The following SBF2 variants were observed in gnomAD, a reference collection of about 807,000 sequenced individuals.
SBF2 encodes SET binding factor 2.
SBF2 carries 112 observed loss-of-function variants against 225.2 expected under a neutral mutation model. That is an observed-to-expected ratio of 0.50 (90% confidence interval 0.43 to 0.58). The LOEUF (loss-of-function observed/expected upper bound fraction) is 0.58, where lower values mean the gene tolerates loss of function less well. SBF2 is among the 20% of genes least tolerant of loss of function. SBF2 has a pLI of 0.00. For missense variants in SBF2, 1,996 were observed against 2,206.2 expected, an observed-to-expected ratio of 0.90 and a Z score of 1.91; for synonymous variants, 763 against 773.3, an observed-to-expected ratio of 0.99 and a Z score of 0.22.
chr11:9,978,313 G>A (rs1946791553), intron 13 of SBF2, among the ~76,000 whole-genome samples: 1 of 152,166 alleles, frequency 6.6e-6, no homozygotes, highest in South Asian at 2.1e-4. Context: ...AGGAATCTCA[G>A]ACAATCTAAT....
intron 16 of SBF2, among the ~76,000 whole-genome samples, chr11:9,953,316 C>T (rs925642421): frequency 1.3e-5 from 2 of 151,942 alleles, no homozygotes; most frequent in South Asian, 4.1e-4. Flanking sequence ...TGGTGGCATG[C>T]GCCTGTAATC....
At chr11:9,839,398 T>G in intron 26 of SBF2, 100 bp downstream of exon 26, 1 of 1,209,984 alleles carries the variant, frequency 8.3e-7, no homozygotes, top group Non-Finnish European at 1.2e-6. Context: ...TTTCAGGCAT[T>G]TTTATCTATC....
intron 1 of SBF2, among the ~76,000 whole-genome samples, chr11:10,225,512 GT>G (rs1958505521): frequency 6.6e-6 from 1 of 151,902 alleles, no homozygotes; most frequent in Admixed American, 6.6e-5. Flanking sequence ...AGTCATAGAG[GT>G]TGTATTTGTG....
chr11:10,172,528 T>C (rs1956241448), intron 2 of SBF2, among the ~76,000 whole-genome samples: 2 of 151,938 alleles, frequency 1.3e-5, no homozygotes. Flanking sequence ...ATTTTTTTAT[T>C]TTTTAGTAGA....
chr11:9,877,849 A>G (rs1352605896), intron 17 of SBF2, among the ~76,000 whole-genome samples: 5 of 152,196 alleles, frequency 3.3e-5, no homozygotes, highest in Admixed American at 3.3e-4. Flanking sequence ...TAGTGCCACA[A>G]TAAATTTACG....
intron 1 of SBF2, among the ~76,000 whole-genome samples, chr11:10,223,359 G>C (rs1424130008): frequency 7.4e-6 from 1 of 134,868 alleles, no homozygotes; most frequent in Admixed American, 8.3e-5. Context: ...GCCTACTGCT[G>C]ACCAGAAGCC....
chr11:9,820,382 T>C (rs1458358395), intron 28 of SBF2, among the ~76,000 whole-genome samples: 1 of 152,174 alleles, frequency 6.6e-6, no homozygotes, highest in Non-Finnish European at 1.5e-5. Flanking sequence ...AGACAGAGAA[T>C]GTGACTGCAA....
chr11:10,304,430 C>T (rs191252079), intron 1 of SBF2, among the ~76,000 whole-genome samples: 1 of 152,244 alleles, frequency 6.6e-6, no homozygotes, highest in African/African-American at 2.4e-5. Context: ...GATAATTCCC[C>T]CCTCCAAATC....
intron 13 of SBF2, among the ~76,000 whole-genome samples, chr11:9,987,705 T>C (rs907594461): frequency 2.6e-5 from 4 of 151,882 alleles, no homozygotes; most frequent in Non-Finnish European, 5.9e-5. Flanking sequence ...GTAATATATT[T>C]AACAAAGGAG....
intron 3 of SBF2, among the ~76,000 whole-genome samples, chr11:10,033,912 AAAACTT>A (rs1354367564): frequency 6.6e-6 from 1 of 152,196 alleles, no homozygotes; most frequent in Non-Finnish European, 1.5e-5. Flanking sequence ...AAAGATGTGA[AAAACTT>A]AAAAATAAGC....
intron 1 of SBF2, among the ~76,000 whole-genome samples, chr11:10,284,223 A>G (rs12273035): frequency 0.021 from 3,257 of 152,314 alleles, 90 homozygotes; most frequent in African/African-American, 0.064. Context: ...AGGATATCAT[A>G]CAATCCACCA....
intron 2 of SBF2, among the ~76,000 whole-genome samples, chr11:10,063,457 AC>A (rs1256091986): frequency 6.6e-6 from 1 of 151,178 alleles, no homozygotes; most frequent in African/African-American, 2.4e-5. Context: ...TCCTAGGTTC[AC>A]GCCATTCTCC....
At position 9,832,240 on chromosome 11, in the gene SBF2, C is replaced by G. The variant is rs1292949007; in HGVS notation, c.3636G>C (p.Gln1212His). ...GKGVVGLFKSQNSPQAAPTSS... is the reference protein window; with the variant it reads ...GKGVVGLFKSHNSPQAAPTSS... ...GATGCTTACCGGCCTGAGGGGAGTT[C>G]TGAGATTTGAAAAGACCAACGACTC... Residue 1212 changes from glutamine (Q) to histidine (H), a missense_variant, in exon 27 of 40, where the codon CAG becomes CAC. Coordinates refer to ENST00000256190, the MANE Select transcript of SBF2 (RefSeq NM_030962.4). 2 of 1,613,766 alleles carry G rather than the reference C, an allele frequency of 1.2e-6. No individual in the cohort carries two copies. The highest frequency in any genetic ancestry group is 2.7e-5 in the African/African-American group (2 of 74,902).
intron 1 of SBF2, among the ~76,000 whole-genome samples, chr11:10,259,347 G>T (rs1007192819): frequency 1.1e-4 from 16 of 152,240 alleles, no homozygotes; most frequent in Admixed American, 1.0e-3. Flanking sequence ...AGGCTGCAAG[G>T]ATTAAATGAG....
In SBF2 at chr11:10,001,529, T is replaced by A. The variant is rs543834496; in HGVS notation, c.753-507A>T. 1.0e-3 allele frequency among the ~76,000 whole-genome samples: 152 copies of A among 145,594 alleles called. 1 individual carries two copies. The highest frequency in any genetic ancestry group is 7.2e-3 in the Middle Eastern group (2 of 278). ...GAAAAGCACCTAAATTAAAAATAAATTTTTTTTTTTTTTGAGATGGAGTCT... is the reference window on the plus strand; with the variant it reads ...GAAAAGCACCTAAATTAAAAATAAAATTTTTTTTTTTTTGAGATGGAGTCT... On this transcript the variant is annotated intron_variant, in intron 7 of 39. Coordinates refer to ENST00000256190, the MANE Select transcript of SBF2 (RefSeq NM_030962.4).
At chr11:9,938,159 C>T (rs1431410369) in intron 16 of SBF2, among the ~76,000 whole-genome samples, 7 of 151,896 alleles carry the variant, frequency 4.6e-5, no homozygotes, top group Non-Finnish European at 7.4e-5. Flanking sequence ...GGCGTGGTGG[C>T]GGGCGCCTCT....
chr11:10,111,882 A>G (rs992456784), intron 2 of SBF2, among the ~76,000 whole-genome samples: 3 of 152,204 alleles, frequency 2.0e-5, no homozygotes, highest in African/African-American at 7.2e-5. Flanking sequence ...GTCTCAAAAA[A>G]ACCAAAAAAA....
chr11:9,852,458 T>G (rs772141861), intron 21 of SBF2, among the ~76,000 whole-genome samples: 30 of 152,344 alleles, frequency 2.0e-4, no homozygotes, highest in Middle Eastern at 3.4e-3. Flanking sequence ...AGGTTATTAT[T>G]GCTCCTTTGT....
At chr11:9,874,232 T>C (rs942819781) in intron 17 of SBF2, among the ~76,000 whole-genome samples, 1 of 152,214 alleles carries the variant, frequency 6.6e-6, no homozygotes, top group Non-Finnish European at 1.5e-5. Context: ...TGAATTTTTA[T>C]TGCCAAGTAC....
Sources: gnomAD v4.1 joint callset for allele counts (sites outside exome capture counted in the v4.1 genomes callset) on GRCh38, gnomAD v4.1.1 for gene constraint, MANE v1.5 for transcripts, NCBI Gene and HGNC (gene_info 2026-07-23, HGNC 2026-07-21) for gene names.